Variants in GLB1 observed in about 807,000 individuals in gnomAD.
The protein encoded by GLB1 is beta-galactosidase.
In GLB1, 56 loss-of-function variants were observed where a neutral mutation model predicts 74.0. The observed-to-expected ratio is 0.76, with a 90% confidence interval of 0.61 to 0.94. The LOEUF is 0.94. GLB1 is among the 40% of genes least tolerant of loss of function. The pLI is 0.00. For missense variants in GLB1, 787 were observed against 845.5 expected (o/e 0.93, Z 0.86); for synonymous variants, 323 against 323.6 (o/e 1.00, Z 0.02).
At chr3:33,046,035 G>A (rs1698725704) in intron 10 of GLB1, 85 bp downstream of exon 10, 3 of 1,506,008 alleles carry the variant, frequency 2.0e-6, no homozygotes, top group Non-Finnish European at 2.7e-6. Flanking sequence ...AGGGCTCCAG[G>A]CAGGAAGTTG....
At chr3:33,009,003 C>G (rs947774844) in intron 15 of GLB1, among the ~76,000 whole-genome samples, 3 of 152,060 alleles carry the variant, frequency 2.0e-5, no homozygotes, top group African/African-American at 7.2e-5. Context: ...CCTGTAATCC[C>G]AGCTACATGG....
intron 1 of GLB1, among the ~76,000 whole-genome samples, chr3:33,087,216 T>C (rs1700541873): frequency 6.6e-6 from 1 of 150,910 alleles, no homozygotes; most frequent in Non-Finnish European, 1.5e-5. Flanking sequence ...GACCGAATCA[T>C]GAAGAAACAG....
chr3:33,011,576 C>T (rs1321805226), intron 15 of GLB1, among the ~76,000 whole-genome samples: 2 of 140,222 alleles, frequency 1.4e-5, no homozygotes, highest in Non-Finnish European at 3.0e-5. Context: ...GCCCGGGAGG[C>T]AGAGGTTGCA....
rs779010384 is a variant in GLB1 at position 33,014,191 on chromosome 3, G to T, written c.1599C>A (p.Gly533=). 2.3e-5 allele frequency: 37 copies of T among 1,614,176 alleles called. No homozygotes were observed. The highest frequency in any genetic ancestry group is 3.1e-5 in the Non-Finnish European group (37 of 1,180,034). Residue 533 remains glycine, a synonymous_variant, in exon 15 of 16, where the codon GGC becomes GGA. Coordinates refer to ENST00000307363, the MANE Select transcript of GLB1 (RefSeq NM_000404.4). ...HLGGWGHRDS[G]HHDEAWAHNS... ...TGTGGGCCCAGGCTTCATCATGGTGGCCACTGTCACGGTGTCCCCAGCCCC... is the reference window on the plus strand; with the variant it reads ...TGTGGGCCCAGGCTTCATCATGGTGTCCACTGTCACGGTGTCCCCAGCCCC...
chr3:33,018,617 C>T, intron 12 of GLB1, 56 bp from the exon 13 acceptor site: 1 of 1,569,252 alleles, frequency 6.4e-7, no homozygotes, highest in South Asian at 1.1e-5. Flanking sequence ...ATTTAGAGAA[C>T]TTGGTTACCC....
At chr3:33,089,775 T>C (rs1283002151) in intron 1 of GLB1, among the ~76,000 whole-genome samples, 2 of 152,208 alleles carry the variant, frequency 1.3e-5, no homozygotes, top group Non-Finnish European at 2.9e-5. Flanking sequence ...GCCTTGTTGC[T>C]CAATGGGTAT....
the GLB1 span, among the ~76,000 whole-genome samples, chr3:32,970,503 G>T: frequency 3.3e-5 from 5 of 152,168 alleles, no homozygotes; most frequent in African/African-American, 1.2e-4. Flanking sequence ...GGAAAAGAAT[G>T]CCTATAAGTC....
rs543691064 is a variant in GLB1 at position 33,046,049 on chromosome 3, A to G, written c.1068+71T>C. The G allele has an allele frequency of 2.6e-4, 401 of 1,563,380 alleles. 8 individuals carry two copies. The South Asian group carries it at 4.4e-3, about 17-fold the overall frequency. On this transcript the variant is annotated intron_variant, in intron 10 of 15. Transcript: ENST00000307363. ...GAGGGCTCCAGGCAGGAAGTTGTCC[A>G]CAGAGCCACAGTGAGTTCAAAAGAG...
chr3:33,058,811 T>C (rs1699327251), intron 5 of GLB1, among the ~76,000 whole-genome samples: 1 of 150,138 alleles, frequency 6.7e-6, no homozygotes, highest in Admixed American at 6.7e-5. Flanking sequence ...TTTCCCTTAA[T>C]ATACTATGCA....
At chr3:32,962,990 A>G in the GLB1 span, among the ~76,000 whole-genome samples, 1 of 152,122 alleles carries the variant, frequency 6.6e-6, no homozygotes, top group Non-Finnish European at 1.5e-5. Flanking sequence ...AGCCAGGACC[A>G]CTCTGAAAAA....
At chr3:32,974,886 C>A in the GLB1 span, among the ~76,000 whole-genome samples, 1 of 152,160 alleles carries the variant, frequency 6.6e-6, no homozygotes, top group African/African-American at 2.4e-5. Flanking sequence ...TAGTGCCATC[C>A]AGATACACAC....
At chr3:33,077,384 C>A in intron 1 of GLB1, 1 of 1,230,996 alleles carries the variant, frequency 8.1e-7, no homozygotes, top group Non-Finnish European at 1.2e-6. Flanking sequence ...GATCAGATTC[C>A]AATTTGACAG....
intron 1 of GLB1, among the ~76,000 whole-genome samples, chr3:33,078,853 G>T (rs1700221564): frequency 6.6e-6 from 1 of 151,892 alleles, no homozygotes; most frequent in African/African-American, 2.4e-5. Context: ...AATTTTTTAA[G>T]ATTTTTTGGA....
chr3:32,988,129 T>C, the GLB1 span, among the ~76,000 whole-genome samples: 1 of 133,828 alleles, frequency 7.5e-6, no homozygotes, highest in South Asian at 2.2e-4. Flanking sequence ...GAGGTTGCAG[T>C]GAGCCAAGAT....
At chr3:32,961,393 G>T in the GLB1 span, among the ~76,000 whole-genome samples, 3 of 152,220 alleles carry the variant, frequency 2.0e-5, no homozygotes, top group African/African-American at 7.2e-5. Flanking sequence ...ACACGCCAAA[G>T]GCATTTCCTG....
At chr3:32,979,815 GC>G in the GLB1 span, among the ~76,000 whole-genome samples, 1 of 137,986 alleles carries the variant, frequency 7.2e-6, no homozygotes, top group Non-Finnish European at 1.5e-5. Context: ...TGGTGCCACT[GC>G]ACTCCAGCCT....
chr3:33,079,643 A>G (rs1700253052), intron 1 of GLB1, among the ~76,000 whole-genome samples: 2 of 152,350 alleles, frequency 1.3e-5, no homozygotes, highest in Non-Finnish European at 1.5e-5. Flanking sequence ...GCATGTTTGT[A>G]TATATACAAA....
chr3:32,989,367 C>T, the GLB1 span, among the ~76,000 whole-genome samples: 1 of 152,344 alleles, frequency 6.6e-6, no homozygotes, highest in Non-Finnish European at 1.5e-5. Flanking sequence ...CTTTCAGAGG[C>T]ACTTCCGGCT....
the GLB1 span, among the ~76,000 whole-genome samples, chr3:32,973,123 C>A: frequency 2.6e-5 from 4 of 152,282 alleles, no homozygotes; most frequent in South Asian, 2.1e-4. Context: ...ACTCTTTGTT[C>A]GGGGCTTAGT....
Sources: allele counts gnomAD v4.1 joint callset (sites outside exome capture counted in the v4.1 genomes callset), GRCh38; gene constraint gnomAD v4.1.1; transcripts MANE v1.5; gene names NCBI Gene and HGNC (gene_info 2026-07-23, HGNC 2026-07-21).